LVRN: variants seen among roughly 807,000 people sequenced by gnomAD.
LVRN encodes the protein laeverin, also known as aminopeptidase Q.
In LVRN, 99 loss-of-function variants were observed where a neutral mutation model predicts 111.4. The ratio of observed to expected loss-of-function variants is 0.89; its 90% confidence interval spans 0.76 to 1.05. The LOEUF (loss-of-function observed/expected upper bound fraction) is 1.05, where lower values mean the gene tolerates loss of function less well. LVRN is among the 50% of genes least tolerant of loss of function. The pLI is 0.00. For missense variants in LVRN, 1,414 were observed against 1,206.8 expected (o/e 1.17, Z -2.54); for synonymous variants, 488 against 449.5 (o/e 1.09, Z -1.08).
At chr5:116,016,395 A>G (rs888723587) in intron 18 of LVRN, among the ~76,000 whole-genome samples, 10 of 152,348 alleles carry the variant, frequency 6.6e-5, no homozygotes, top group Non-Finnish European at 7.3e-5. Context: ...TGAAGGTAGT[A>G]TAAAATTATA....
chr5:115,968,349 A>G (rs1338469844), intron 1 of LVRN, among the ~76,000 whole-genome samples: 2 of 151,664 alleles, frequency 1.3e-5, no homozygotes, highest in South Asian at 2.1e-4. Context: ...TGATATAATC[A>G]TGTGATATTT....
chr5:115,992,215 G>A lies in LVRN; in HGVS notation c.1198G>A (p.Asp400Asn). Reference sequence around the variant, plus strand: ...ATCAGGATTGTTGTTGGAACCAAAAGATCAACTGACAGAAAAAAAGACTCT... The same window carrying A: ...ATCAGGATTGTTGTTGGAACCAAAAAATCAACTGACAGAAAAAAAGACTCT... ...DESGLLLEPK[D>N]QLTEKKTLIS... The change falls in exon 5 of 20, where the codon GAT becomes AAT. Residue 400 changes from aspartate to asparagine, a missense_variant. Physicochemically the swap from Asp to Asn is conservative, Grantham distance 23. Coordinates refer to ENST00000357872, the MANE Select transcript of LVRN (RefSeq NM_173800.5). The A allele has an allele frequency of 3.1e-6, 5 of 1,613,874 alleles. No individual in the cohort carries two copies. The highest frequency in any genetic ancestry group is 3.4e-6 in the Non-Finnish European group (4 of 1,179,868).
chr5:115,964,940 G>T (rs1753170552), intron 1 of LVRN, among the ~76,000 whole-genome samples: 1 of 152,146 alleles, frequency 6.6e-6, no homozygotes, highest in Non-Finnish European at 1.5e-5. Context: ...TTGAAGCCAG[G>T]GTCATGAAGA....
intron 18 of LVRN, among the ~76,000 whole-genome samples, chr5:116,020,843 C>T (rs1050534050): frequency 1.3e-5 from 2 of 152,146 alleles, no homozygotes; most frequent in Admixed American, 1.3e-4. Context: ...CTGGAGTACC[C>T]AAATCACTGT....
intron 6 of LVRN, 145 bp from the exon 7 acceptor site, chr5:115,999,617 T>C (rs984110443): frequency 3.9e-6 from 3 of 767,440 alleles, no homozygotes; most frequent in Non-Finnish European, 4.1e-6. Flanking sequence ...TGACTTTATT[T>C]GGCATATTTC....
Position 115,984,611 on chromosome 5 carries a change from G to A in LVRN, c.880G>A (p.Val294Ile), listed in dbSNP as rs760740981. The change falls in exon 3 of 20, where the codon GTT becomes ATT. Residue 294 changes from valine to isoleucine, a missense_variant. Coordinates refer to ENST00000357872, the MANE Select transcript of LVRN (RefSeq NM_173800.5). ...KEDVNGSKWT[V>I]TTFSTTPHMP... ...AGATGTGAATGGAAGCAAATGGACT[G>A]TTACAACCTTTTCCACTACGCCCCA... The A allele has an allele frequency of 1.2e-6, 2 of 1,613,504 alleles. No individual in the cohort carries two copies. Among genetic ancestry groups the A allele is most frequent in the Admixed American group, 1.7e-5 (1 of 59,892 alleles).
chr5:116,008,699 C>T (rs117138462), intron 13 of LVRN, among the ~76,000 whole-genome samples: 7,201 of 152,192 alleles, frequency 0.047, 240 homozygotes, highest in Middle Eastern at 0.071. Context: ...TTCCCTTAAA[C>T]CAAAGCCTAA....
chr5:116,007,755 A>T (rs1748407757), intron 13 of LVRN, among the ~76,000 whole-genome samples: 1 of 152,234 alleles, frequency 6.6e-6, no homozygotes, highest in African/African-American at 2.4e-5. Context: ...CTCTGAGTCA[A>T]GCAAGTCTAT....
At chr5:115,999,648 T>C in intron 6 of LVRN, 114 bp from the exon 7 acceptor site, 1 of 1,135,924 alleles carries the variant, frequency 8.8e-7, no homozygotes, top group Non-Finnish European at 1.3e-6. Context: ...CACTTCTCAA[T>C]TACTGAATTT....
chr5:116,022,273 A>T (rs1748745723), intron 18 of LVRN, 118 bp from the exon 19 acceptor site: 1 of 690,064 alleles, frequency 1.4e-6, no homozygotes, highest in Admixed American at 2.6e-5. Context: ...GTTTTTACTT[A>T]GATTTGTGAC....
At chr5:116,006,386 CTCTT>C (rs1391060097) in intron 13 of LVRN, among the ~76,000 whole-genome samples, 3 of 152,036 alleles carry the variant, frequency 2.0e-5, no homozygotes, top group African/African-American at 4.8e-5. Context: ...AGTATTTTTT[CTCTT>C]TCTTTAGCCA....
intron 19 of LVRN, chr5:116,023,502 C>G (rs181131238): frequency 1.3e-5 from 2 of 152,270 alleles, no homozygotes; most frequent in Non-Finnish European, 2.9e-5. Flanking sequence ...TCAGATGTAC[C>G]AATCACTGTG....
At chr5:116,011,905 A>C (rs1237473341) in intron 14 of LVRN, among the ~76,000 whole-genome samples, 1 of 152,160 alleles carries the variant, frequency 6.6e-6, no homozygotes, top group Non-Finnish European at 1.5e-5. Flanking sequence ...TTATTTCAAA[A>C]TTAGGGCTTC....
At chr5:115,988,041 C>A in intron 4 of LVRN, 102 bp downstream of exon 4, 1 of 1,442,654 alleles carries the variant, frequency 6.9e-7, no homozygotes, top group Non-Finnish European at 9.4e-7. Flanking sequence ...TTCACCATCA[C>A]CATTTAGCTG....
Position 115,999,872 on chromosome 5 carries a change from G to A in LVRN, c.1485G>A (p.Gln495=), listed in dbSNP as rs1748200313. The change falls in exon 7 of 20, where the codon CAG becomes CAA. Residue 495 remains glutamine, a synonymous_variant. Transcript: ENST00000357872. The stretch of plus-strand genomic sequence containing the variant: ...AAAATTTCAAAACAAGTGAAATACA[G>A]GAACTCTTTGACATATTTACTTACA... ...KVENFKTSEI[Q]ELFDIFTYSK... 1 of 1,612,950 alleles carries A rather than the reference G, an allele frequency of 6.2e-7. No individual in the cohort carries two copies. The highest frequency in any genetic ancestry group is 1.7e-5 in the Admixed American group (1 of 59,662).
At chr5:115,968,878 A>T (rs1561552490) in intron 1 of LVRN, among the ~76,000 whole-genome samples, 1 of 152,212 alleles carries the variant, frequency 6.6e-6, no homozygotes, top group Non-Finnish European at 1.5e-5. Flanking sequence ...ACAAAGTCCC[A>T]TGGAGGAAAG....
intron 1 of LVRN, among the ~76,000 whole-genome samples, chr5:115,979,464 G>A (rs573878169): frequency 1.4e-4 from 22 of 152,166 alleles, no homozygotes; most frequent in African/African-American, 5.1e-4. Flanking sequence ...TCAAGAGATA[G>A]CTTCTCCAAT....
Position 115,983,293 on chromosome 5 carries a change from G to A in LVRN, c.702G>A (p.Leu234=). The A allele has an allele frequency of 1.3e-6, 2 of 1,586,836 alleles. No individual in the cohort carries two copies. Among genetic ancestry groups the A allele is most frequent in the Non-Finnish European group, 1.7e-6 (2 of 1,171,674 alleles). ...TCCCCAAAATGTATTTCAGGGCCCT[G>A]TTAGCGTCCCAGCTGGAACCAACAT... ...VYTDQGERRA[L]LASQLEPTFA... Residue 234 remains leucine, a synonymous_variant, in exon 2 of 20, where the codon CTG becomes CTA. Coordinates refer to ENST00000357872, the MANE Select transcript of LVRN (RefSeq NM_173800.5).
chr5:116,018,696 A>T (rs959069570), intron 18 of LVRN, among the ~76,000 whole-genome samples: 1 of 152,080 alleles, frequency 6.6e-6, no homozygotes, highest in Non-Finnish European at 1.5e-5. Flanking sequence ...AAGATATGCT[A>T]TATCTTTTAA....
Sources: allele counts gnomAD v4.1 joint callset (sites outside exome capture counted in the v4.1 genomes callset), GRCh38; gene constraint gnomAD v4.1.1; transcripts MANE v1.5; gene names NCBI Gene and HGNC (gene_info 2026-07-23, HGNC 2026-07-21).